The following EMP2 variants were observed in gnomAD, a reference collection of about 807,000 sequenced individuals.
EMP2 encodes epithelial membrane protein 2.
Under a neutral mutation model 13.7 loss-of-function variants are expected in EMP2, and 19 were observed. The ratio of observed to expected loss-of-function variants is 1.38; its 90% CI spans 0.97 to 2.03. The LOEUF (loss-of-function observed/expected upper bound fraction) is 2.03. Ranked by LOEUF, EMP2 falls within the 30% of genes most tolerant of loss-of-function variation. EMP2 has a pLI of 0.00. For missense variants in EMP2, 253 were observed against 220.7 expected (o/e 1.15, Z -0.93); for synonymous variants, 97 against 84.7 (o/e 1.15, Z -0.80).
chr16:10,540,632 G>GT (rs1036772291), intron 3 of EMP2, among the ~76,000 whole-genome samples: 4 of 152,148 alleles, frequency 2.6e-5, no homozygotes, highest in Non-Finnish European at 5.9e-5. Context: ...GGGGTTGTTT[G>GT]TTTTTTAACA....
intron 1 of EMP2, chr16:10,577,981 C>A (rs995308563): frequency 2.1e-5 from 3 of 144,940 alleles, no homozygotes; most frequent in Admixed American, 1.4e-4. Flanking sequence ...TGACCCCCCC[C>A]TCCCGGCAAA....
intron 1 of EMP2, among the ~76,000 whole-genome samples, chr16:10,563,489 G>A (rs2050886662): frequency 6.6e-6 from 1 of 152,218 alleles, no homozygotes; most frequent in South Asian, 2.1e-4. Context: ...ACTGCACCCA[G>A]CTACTTTTTC....
At chr16:10,576,347 A>G (rs1178403178) in intron 1 of EMP2, among the ~76,000 whole-genome samples, 1 of 152,124 alleles carries the variant, frequency 6.6e-6, no homozygotes, top group Non-Finnish European at 1.5e-5. Flanking sequence ...AATTCATTGC[A>G]TTTTGAGGAA....
intron 2 of EMP2, chr16:10,545,451 C>G (rs913187611): frequency 5.9e-5 from 9 of 152,186 alleles, no homozygotes; most frequent in African/African-American, 2.2e-4. Context: ...CAGCTGCTCC[C>G]CATCACTCAC....
At chr16:10,554,327 C>A (rs1411485346) in intron 1 of EMP2, among the ~76,000 whole-genome samples, 1 of 152,142 alleles carries the variant, frequency 6.6e-6, no homozygotes, top group Admixed American at 6.5e-5. Context: ...CCACCGTGCC[C>A]GACCAAGCAC....
intron 2 of EMP2, chr16:10,545,263 A>G (rs554631726): frequency 1.3e-5 from 2 of 152,366 alleles, no homozygotes; most frequent in Admixed American, 1.3e-4. Flanking sequence ...AGGAGATTCT[A>G]AAAGAACATT....
chr16:10,543,300 C>G (rs1170500353), intron 3 of EMP2, among the ~76,000 whole-genome samples: 1 of 152,270 alleles, frequency 6.6e-6, no homozygotes, highest in African/African-American at 2.4e-5. Flanking sequence ...GAACGGGAAA[C>G]TCGGCTGTGC....
At chr16:10,564,683 C>T (rs1339496444) in intron 1 of EMP2, among the ~76,000 whole-genome samples, 2 of 151,920 alleles carry the variant, frequency 1.3e-5, no homozygotes, top group Non-Finnish European at 2.9e-5. Flanking sequence ...CCAGTGTTCT[C>T]TCCTCCCATC....
chr16:10,564,615 G>A (rs554331185), intron 1 of EMP2, among the ~76,000 whole-genome samples: 7 of 151,536 alleles, frequency 4.6e-5, no homozygotes, highest in South Asian at 2.1e-4. Flanking sequence ...CACCAGCATC[G>A]TAGTCAAGGA....
At position 10,533,045 on chromosome 16, in the gene EMP2, C is replaced by G; in HGVS notation, c.364G>C (p.Asp122His). 1 of 1,610,192 alleles carries G rather than the reference C, an allele frequency of 6.2e-7. No individual in the cohort carries two copies. The highest frequency in any genetic ancestry group is 8.5e-7 in the Non-Finnish European group (1 of 1,178,218). ...AATTTCGCGTTTTTGTCGTGAATGT[C>G]TTCACGCCTGTCTGTATAAATGGAG... The part of the protein sequence containing the change: ...AASIYTDRRE[D>H]IHDKNAKFYP... The change falls in exon 5 of 5, where the codon GAC (aspartate) becomes CAC (histidine). Residue 122 changes from aspartate (D) to histidine (H), a missense_variant. Physicochemically the swap from Asp to His is moderately conservative, Grantham distance 81. Coordinates refer to ENST00000359543, the MANE Select transcript of EMP2 (RefSeq NM_001424.6).
At chr16:10,536,265 CTTA>C (rs2050646416) in intron 4 of EMP2, among the ~76,000 whole-genome samples, 2 of 152,184 alleles carry the variant, frequency 1.3e-5, no homozygotes, top group Non-Finnish European at 2.9e-5. Context: ...CTCTATTTAT[CTTA>C]TTATTTTTTC....
chr16:10,572,842 G>T (rs1163719593), intron 1 of EMP2, among the ~76,000 whole-genome samples: 1 of 152,164 alleles, frequency 6.6e-6, no homozygotes, highest in Non-Finnish European at 1.5e-5. Flanking sequence ...TCATGCCACA[G>T]TTACTAAGCA....
At chr16:10,556,986 A>G (rs2050833466) in intron 1 of EMP2, among the ~76,000 whole-genome samples, 1 of 152,166 alleles carries the variant, frequency 6.6e-6, no homozygotes, top group Non-Finnish European at 1.5e-5. Flanking sequence ...GAATCTGTGA[A>G]GGCAACCTCT....
At chr16:10,579,350 G>A (rs1265094430) in intron 1 of EMP2, among the ~76,000 whole-genome samples, 1 of 152,042 alleles carries the variant, frequency 6.6e-6, no homozygotes, top group Non-Finnish European at 1.5e-5. Flanking sequence ...GTGGCTAAAG[G>A]CGGCTTTTAA....
rs374869670 is a variant in EMP2, at chr16:10,552,396, T to C, written c.-60-4719A>G. 4.6e-5 allele frequency among the ~76,000 whole-genome samples: 7 copies of C among 152,354 alleles called. No individual in the cohort carries two copies. In the East Asian group the frequency reaches 1.2e-3, roughly 25 times the overall value. ...CCCAAAGGATGGAATTAAAATGTTA[T>C]AAGGCATGATTTTGGACAGTGCATT... On this transcript the variant is annotated intron_variant, in intron 1 of 4. Coordinates refer to ENST00000359543, the MANE Select transcript of EMP2 (RefSeq NM_001424.6).
At chr16:10,554,657 G>A (rs1213386340) in intron 1 of EMP2, among the ~76,000 whole-genome samples, 5 of 152,166 alleles carry the variant, frequency 3.3e-5, no homozygotes, top group Non-Finnish European at 7.3e-5. Flanking sequence ...AAATGTAACA[G>A]TAAATACAGA....
Position 10,530,461 on chromosome 16 carries a change from G to A in EMP2, c.*2444C>T, listed in dbSNP as rs2142162137. On this transcript the variant is annotated 3_prime_UTR_variant, in exon 5 of 5. Transcript: ENST00000359543. Reference sequence around the variant, plus strand: ...ACCACTCCACTCAGCAGAAGGTCAAGTGCAAAAGTATTTAAATAGCACGAG... The same window carrying A: ...ACCACTCCACTCAGCAGAAGGTCAAATGCAAAAGTATTTAAATAGCACGAG... The A allele has an allele frequency of 6.5e-6, 1 of 152,722 alleles. No homozygotes were observed. The highest frequency in any genetic ancestry group is 2.4e-5 in the African/African-American group (1 of 41,538). 9.5% of individuals were successfully genotyped at this position (152,722 alleles called of 1,614,324 possible).
chr16:10,578,204 G>A (rs899230722), intron 1 of EMP2: 18 of 152,190 alleles, frequency 1.2e-4, no homozygotes, highest in African/African-American at 3.6e-4. Flanking sequence ...GCGAGGGCAG[G>A]AGAGTGTCAC....
intron 3 of EMP2, among the ~76,000 whole-genome samples, chr16:10,538,736 G>C (rs1215573224): frequency 4.6e-5 from 7 of 152,152 alleles, no homozygotes; most frequent in Non-Finnish European, 1.0e-4. Context: ...CTAATGTGTA[G>C]AAAGCTATGT....
Sources: gnomAD v4.1 joint callset for allele counts (sites outside exome capture counted in the v4.1 genomes callset) on GRCh38, gnomAD v4.1.1 for gene constraint, MANE v1.5 for transcripts, NCBI Gene and HGNC (gene_info 2026-07-23, HGNC 2026-07-21) for gene names.